SLC11A2: variants seen among roughly 807,000 people sequenced by gnomAD.
SLC11A2 encodes natural resistance-associated macrophage protein 2.
A neutral mutation model predicts 68.0 loss-of-function variants in SLC11A2; 38 were observed. The observed-to-expected ratio is 0.56, with a 90% CI of 0.43 to 0.73. SLC11A2 has a LOEUF of 0.73. Among genes scored for constraint, SLC11A2 ranks in the 30% least tolerant of loss-of-function variants. SLC11A2 has a pLI of 0.00. For synonymous variants in SLC11A2, 242 were observed against 250.6 expected (o/e 0.97, Z 0.32); for missense variants, 517 against 690.5 (o/e 0.75, Z 2.82).
At chr12:51,016,982 C>T (rs1393365503) in intron 1 of SLC11A2, among the ~76,000 whole-genome samples, 1 of 151,598 alleles carries the variant, frequency 6.6e-6, no homozygotes, top group Admixed American at 6.6e-5. Flanking sequence ...CACTGCATTC[C>T]AGCCTGGGTG....
chr12:50,992,107 G>A (rs59629317), intron 13 of SLC11A2, 83 bp downstream of exon 13: 1 of 1,334,230 alleles, frequency 7.5e-7, no homozygotes, highest in Non-Finnish European at 1.1e-6. Flanking sequence ...TATCCCCCCA[G>A]CACTCAGCTA....
chr12:51,011,113 C>A (rs1196747090), intron 1 of SLC11A2, among the ~76,000 whole-genome samples: 1 of 144,028 alleles, frequency 6.9e-6, no homozygotes. Flanking sequence ...TTTAGTGAGA[C>A]AGCAAATACC....
chr12:51,025,650 G>A, intron 1 of SLC11A2: 1 of 582,064 alleles, frequency 1.7e-6, no homozygotes, highest in Non-Finnish European at 2.2e-6. Context: ...CGCACAGCTG[G>A]GAGAGCCATC....
At chr12:50,993,173 A>C (rs1175275718) in intron 11 of SLC11A2, 4 of 411,870 alleles carry the variant, frequency 9.7e-6, no homozygotes, top group African/African-American at 2.3e-5. Flanking sequence ...CAAGCTCCTA[A>C]ACCTCCATCT....
At chr12:51,017,390 T>C (rs1193017659) in intron 1 of SLC11A2, among the ~76,000 whole-genome samples, 1 of 152,158 alleles carries the variant, frequency 6.6e-6, no homozygotes, top group African/African-American at 2.4e-5. Flanking sequence ...TTGAGCAGCA[T>C]GCTATCATGT....
At chr12:50,971,912 T>C in the SLC11A2 span, among the ~76,000 whole-genome samples, 7 of 152,236 alleles carry the variant, frequency 4.6e-5, no homozygotes, top group Non-Finnish European at 1.0e-4. Flanking sequence ...TATACATTTT[T>C]CCCCATTGGG....
chr12:50,963,231 G>A, the SLC11A2 span, among the ~76,000 whole-genome samples: 1 of 151,762 alleles, frequency 6.6e-6, no homozygotes, highest in Admixed American at 6.6e-5. Context: ...TTGGCTGGGA[G>A]TAGTGGTGCA....
intron 2 of SLC11A2, chr12:51,009,152 G>C (rs1341190820): frequency 2.0e-5 from 30 of 1,502,478 alleles, no homozygotes; most frequent in Non-Finnish European, 1.9e-5. Flanking sequence ...ACCTCCATCA[G>C]ACTTCTCAAA....
rs562395749 is a variant in SLC11A2 at position 51,022,128 on chromosome 12, C to T, written c.-39+4182G>A. On this transcript the variant is annotated intron_variant, in intron 1 of 15. Transcript: ENST00000262052. ...GTTCTTCCCAACTCTGTGTGAGCTT[C>T]CTCTAAACTTCCTCCTAACCAGAAG... 1.2e-4 allele frequency among the ~76,000 whole-genome samples: 18 copies of T among 152,248 alleles called. No homozygotes were observed. The South Asian group carries it at 3.5e-3, about 30-fold the overall frequency.
At chr12:50,985,218 T>C (rs1329800229), downstream of SLC11A2, among the ~76,000 whole-genome samples, 1 of 152,144 alleles carries the variant, frequency 6.6e-6, no homozygotes, top group Non-Finnish European at 1.5e-5. Context: ...GCAGAAGGTA[T>C]TCCAGAGGGC....
At chr12:50,983,090 T>G (rs1156800371), downstream of SLC11A2, among the ~76,000 whole-genome samples, 1 of 151,814 alleles carries the variant, frequency 6.6e-6, no homozygotes, top group Admixed American at 6.6e-5. Flanking sequence ...TGACACAATC[T>G]TGGCTCACTG....
chr12:50,970,325 G>A, the SLC11A2 span: 1 of 683,132 alleles, frequency 1.5e-6, no homozygotes, highest in Non-Finnish European at 2.6e-6. Flanking sequence ...AAGAAGGAGG[G>A]CCTTTGTTTG....
At chr12:51,026,582 A>G (rs60720958), upstream of SLC11A2, among the ~76,000 whole-genome samples, 4,290 of 151,640 alleles carry the variant, frequency 0.028, 204 homozygotes, top group African/African-American at 0.099. Flanking sequence ...CATGCTGCCT[A>G]GTTGCTGCTT....
At chr12:50,953,632 A>G in the SLC11A2 span, among the ~76,000 whole-genome samples, 3 of 152,268 alleles carry the variant, frequency 2.0e-5, no homozygotes, top group Non-Finnish European at 4.4e-5. Flanking sequence ...TACTTTAAAA[A>G]GAAAATGTGT....
upstream of SLC11A2, chr12:51,028,290 C>G: frequency 5.3e-6 from 7 of 1,309,988 alleles, no homozygotes; most frequent in Non-Finnish European, 7.4e-6. Context: ...ACAAGTGCGC[C>G]TCCCTCAGTT....
the SLC11A2 span, among the ~76,000 whole-genome samples, chr12:50,973,242 A>G: frequency 6.6e-6 from 1 of 152,164 alleles, no homozygotes; most frequent in African/African-American, 2.4e-5. Flanking sequence ...GGCACCCCCC[A>G]GTAGGGGCAG....
chr12:51,021,626 C>CA (rs11437647), intron 1 of SLC11A2, among the ~76,000 whole-genome samples: 66,112 of 141,718 alleles, frequency 0.47, 15,881 homozygotes, highest in Non-Finnish European at 0.57. Context: ...GACCCTGTCT[C>CA]AAAAAAAAAA....
chr12:51,018,026 A>G (rs529649271), intron 1 of SLC11A2, among the ~76,000 whole-genome samples: 13 of 152,340 alleles, frequency 8.5e-5, no homozygotes, highest in African/African-American at 3.1e-4. Flanking sequence ...CATCTAATTA[A>G]CAGTAATTCT....
rs575183627 is a variant in SLC11A2, at chr12:50,987,960, A to C, written c.*365T>G. The stretch of plus-strand genomic sequence containing the variant: ...CTCATTCTGTAGTTTGTATAATAAA[A>C]AATGTATTGCATTTTCCAATTTTTT... On this transcript the variant is annotated 3_prime_UTR_variant, in exon 16 of 16. Transcript: ENST00000262052. 86 of 1,291,006 alleles carry C rather than the reference A, an allele frequency of 6.7e-5. 1 individual carries two copies. In the African/African-American group the frequency reaches 1.2e-3, roughly 18 times the overall value. The allele number at this position is 1,291,006 out of a possible 1,614,324, so 80.0% of individuals were successfully genotyped here. A position where few individuals can be genotyped will look rare whatever the true frequency, so the allele number is the denominator to read the frequency against.
Sources: gnomAD v4.1 joint callset for allele counts (sites outside exome capture counted in the v4.1 genomes callset) on GRCh38, gnomAD v4.1.1 for gene constraint, MANE v1.5 for transcripts, NCBI Gene and HGNC (gene_info 2026-07-23, HGNC 2026-07-21) for gene names.